The following SH3YL1 variants were observed in gnomAD, a reference collection of about 807,000 sequenced individuals.
SH3YL1 encodes SH3 and SYLF domain containing 1, also known as SH3 domain-containing YSC84-like protein 1.
A neutral mutation model predicts 45.8 loss-of-function variants in SH3YL1; 41 were observed. The ratio of observed to expected loss-of-function variants is 0.89; its 90% CI spans 0.70 to 1.16. SH3YL1 has a LOEUF of 1.16. SH3YL1 is among the 50% of genes most tolerant of loss of function. The probability of loss-of-function intolerance (pLI) is 0.00; values close to 1 mark genes in which losing one functional copy is unlikely to be tolerated. For synonymous variants in SH3YL1, 152 were observed against 151.4 expected (o/e 1.00, Z -0.03); for missense variants, 389 against 409.6 (o/e 0.95, Z 0.43).
At chr2:247,435 T>C (rs1668870749) in intron 4 of SH3YL1, 103 bp downstream of exon 4, 1 of 816,892 alleles carries the variant, frequency 1.2e-6, no homozygotes, top group Non-Finnish European at 1.9e-6. Context: ...TAAGTGCCAA[T>C]GGTAACAATA....
chr2:262,592 TCAGAG>T, intron 1 of SH3YL1: 1 of 1,304,192 alleles, frequency 7.7e-7, no homozygotes, highest in South Asian at 1.2e-5. Context: ...TGCTTAGGTC[TCAGAG>T]CAGAGAATTT....
intron 4 of SH3YL1, among the ~76,000 whole-genome samples, chr2:235,731 T>C (rs1009035912): frequency 2.3e-3 from 27 of 11,562 alleles, no homozygotes; most frequent in East Asian, 0.01. Flanking sequence ...GCAGCATGGG[T>C]CAGGGGAGGC....
chr2:227,415 G>C (rs1667830167), intron 8 of SH3YL1, among the ~76,000 whole-genome samples: 1 of 152,062 alleles, frequency 6.6e-6, no homozygotes, highest in African/African-American at 2.4e-5. Context: ...CTGAAATAAA[G>C]TTAATATACA....
intron 1 of SH3YL1, among the ~76,000 whole-genome samples, chr2:258,990 C>T (rs1488603951): frequency 6.6e-6 from 1 of 152,190 alleles, no homozygotes; most frequent in Non-Finnish European, 1.5e-5. Flanking sequence ...TCAGCCTCTT[C>T]AGACTCAATT....
intron 1 of SH3YL1, chr2:261,300 AG>A (rs1422044646): frequency 6.6e-6 from 1 of 152,234 alleles, no homozygotes; most frequent in Non-Finnish European, 1.5e-5. Flanking sequence ...ATGAAGACAC[AG>A]GTCATTACTA....
chr2:256,884 C>T (rs1669357638), intron 1 of SH3YL1, among the ~76,000 whole-genome samples: 1 of 152,162 alleles, frequency 6.6e-6, no homozygotes, highest in Non-Finnish European at 1.5e-5. Context: ...TCCTCACCAA[C>T]ACTTGCAATG....
Position 244,530 on chromosome 2 carries a change from A to C in SH3YL1, c.291+3008T>G, listed in dbSNP as rs575641176. The C allele has an allele frequency of 5.4e-5, 8 of 147,194 alleles. No homozygotes were observed. The East Asian group carries it at 1.7e-3, about 30-fold the overall frequency. 9.1% of individuals were successfully genotyped at this position (147,194 alleles called of 1,614,324 possible). On this transcript the variant is annotated intron_variant, in intron 4 of 9. Coordinates refer to ENST00000356150, the MANE Select transcript of SH3YL1 (RefSeq NM_015677.4). Reference sequence around the variant, plus strand: ...AAAGAAAGAAAGAAAGAAAAGAAAAAGAAAGAAAGAACGAAAGAAAGAAAA... The same window carrying C: ...AAAGAAAGAAAGAAAGAAAAGAAAACGAAAGAAAGAACGAAAGAAAGAAAA...
At chr2:256,880 C>T (rs1234021063) in intron 1 of SH3YL1, among the ~76,000 whole-genome samples, 1 of 152,128 alleles carries the variant, frequency 6.6e-6, no homozygotes, top group Non-Finnish European at 1.5e-5. Context: ...CATATCCTCA[C>T]CAACACTTGC....
At chr2:262,867 G>A (rs2103064104) in intron 1 of SH3YL1, 11 of 434,630 alleles carry the variant, frequency 2.5e-5, no homozygotes, top group East Asian at 8.3e-5. Context: ...AAAGATGAGG[G>A]GTAACATTTA....
chr2:250,974 T>A (rs1319587440), intron 2 of SH3YL1, among the ~76,000 whole-genome samples: 1 of 152,262 alleles, frequency 6.6e-6, no homozygotes, highest in East Asian at 1.9e-4. Context: ...TGTGCAGATT[T>A]ATTTTTACAG....
chr2:228,895 C>G (rs1332941996), intron 8 of SH3YL1, among the ~76,000 whole-genome samples: 1 of 152,194 alleles, frequency 6.6e-6, no homozygotes, highest in Non-Finnish European at 1.5e-5. Context: ...CGAGGATGCG[C>G]TTCCCGCCTT....
At chr2:255,228 CCTTT>C (rs757877424) in intron 1 of SH3YL1, among the ~76,000 whole-genome samples, 13 of 152,090 alleles carry the variant, frequency 8.5e-5, no homozygotes, top group Admixed American at 3.9e-4. Flanking sequence ...GAAAAAAATC[CCTTT>C]CTTTTATTCA....
chr2:244,111 C>A (rs1343630757), intron 4 of SH3YL1, among the ~76,000 whole-genome samples: 1 of 152,142 alleles, frequency 6.6e-6, no homozygotes, highest in South Asian at 2.1e-4. Flanking sequence ...ATTCTCCTGG[C>A]TTAGCTATTT....
intron 9 of SH3YL1, among the ~76,000 whole-genome samples, chr2:219,372 G>A (rs1278240973): frequency 6.6e-6 from 1 of 152,116 alleles, no homozygotes; most frequent in African/African-American, 2.4e-5. Flanking sequence ...TGGGGTCTCT[G>A]GGGGCTGATT....
chr2:248,010 G>T (rs972701629), intron 3 of SH3YL1, among the ~76,000 whole-genome samples: 17 of 152,228 alleles, frequency 1.1e-4, no homozygotes, highest in Non-Finnish European at 2.2e-4. Context: ...AAGGATTCGA[G>T]AGAGTTGATT....
rs775069066 is a variant in SH3YL1 at position 229,892 on chromosome 2, T to C, written c.781+74A>G. On this transcript the variant is annotated intron_variant, in intron 8 of 9. Transcript: ENST00000356150. ...TTTAACTCTAAAGTTTAACAATGTATCTTGATTTCTTAATGATAACATTTA... is the reference window on the plus strand; with the variant it reads ...TTTAACTCTAAAGTTTAACAATGTACCTTGATTTCTTAATGATAACATTTA... The C allele has an allele frequency of 7.4e-6, 9 of 1,209,458 alleles. No individual in the cohort carries two copies. The East Asian group carries it at 1.8e-4, about 24-fold the overall frequency. The allele number at this position is 1,209,458 out of a possible 1,614,324, so 74.9% of individuals were successfully genotyped here.
chr2:250,149 A>G (rs1437338662), intron 2 of SH3YL1, among the ~76,000 whole-genome samples: 1 of 152,222 alleles, frequency 6.6e-6, no homozygotes, highest in African/African-American at 2.4e-5. Context: ...TAGCAGGGCA[A>G]ATATTTTGGC....
At chr2:257,085 G>A (rs2103057139) in intron 1 of SH3YL1, among the ~76,000 whole-genome samples, 1 of 152,070 alleles carries the variant, frequency 6.6e-6, no homozygotes, top group South Asian at 2.1e-4. Flanking sequence ...TAACGGAGTT[G>A]TTTTTTTGCT....
chr2:241,105 A>C (rs1357165237), intron 4 of SH3YL1: 1 of 152,218 alleles, frequency 6.6e-6, no homozygotes, highest in Non-Finnish European at 1.5e-5. Flanking sequence ...CAAAGACTTT[A>C]AAACAGCTGT....
Sources: gnomAD v4.1 joint callset for allele counts (sites outside exome capture counted in the v4.1 genomes callset) on GRCh38, gnomAD v4.1.1 for gene constraint, MANE v1.5 for transcripts, NCBI Gene and HGNC (gene_info 2026-07-23, HGNC 2026-07-21) for gene names.